The following EZH1 variants were observed in gnomAD, a reference collection of about 807,000 sequenced individuals.
The protein encoded by EZH1 is histone-lysine N-methyltransferase EZH1.
A neutral mutation model predicts 100.5 loss-of-function variants in EZH1; 33 were observed. That is an observed-to-expected ratio of 0.33 (90% CI 0.25 to 0.44). EZH1 has a LOEUF of 0.44. Among genes scored for constraint, EZH1 ranks in the 20% least tolerant of loss-of-function variants. The pLI is 1.00. For synonymous variants in EZH1, 272 were observed against 313.8 expected, an observed-to-expected ratio of 0.87 and a Z score of 1.41; for missense variants, 475 against 928.4, an observed-to-expected ratio of 0.51 and a Z score of 6.35.
At chr17:42,711,969 T>C (rs1415561503) in intron 12 of EZH1, among the ~76,000 whole-genome samples, 1 of 152,008 alleles carries the variant, frequency 6.6e-6, no homozygotes, top group African/African-American at 2.4e-5. Flanking sequence ...GAGTCCCTTC[T>C]GGGAAAGGGG....
At chr17:42,732,140 C>CA (rs545837299) in intron 1 of EZH1, among the ~76,000 whole-genome samples, 1,702 of 132,214 alleles carry the variant, frequency 0.013, 32 homozygotes, top group African/African-American at 0.039. Flanking sequence ...AAAACAAAAC[C>CA]AAAAAAAAAA....
At chr17:42,717,846 TG>T (rs2053635543) in intron 10 of EZH1, 129 bp downstream of exon 10, 3 of 738,068 alleles carry the variant, frequency 4.1e-6, no homozygotes, top group South Asian at 3.5e-5. Context: ...CCACAGTAAC[TG>T]GGGAGCTCCT....
chr17:42,718,073 A>G lies in EZH1; in HGVS notation c.932-6T>C. 4 of 1,613,470 alleles carry G rather than the reference A, an allele frequency of 2.5e-6. No individual in the cohort carries two copies. Among genetic ancestry groups the G allele is most frequent in the Non-Finnish European group, 2.5e-6 (3 of 1,179,410 alleles). On this transcript the variant is annotated splice_polypyrimidine_tract_variant and splice_region_variant and intron_variant, in intron 9 of 20. Transcript: ENST00000428826. The surrounding 1 kb of genome is among the most constrained non-coding windows in gnomAD (Gnocchi z 4.2). ...ATTAGGGGTGGCATGAAAAGCTGGAAAACAAAAACTGTCTTGTTGCCAGTG... is the reference window on the plus strand; with the variant it reads ...ATTAGGGGTGGCATGAAAAGCTGGAGAACAAAAACTGTCTTGTTGCCAGTG...
intron 11 of EZH1, 93 bp from the exon 12 acceptor site, chr17:42,712,578 T>A: frequency 8.1e-7 from 1 of 1,231,618 alleles, no homozygotes; most frequent in Non-Finnish European, 1.2e-6. Flanking sequence ...CATTCTACTT[T>A]AAAAGGTAGA....
At chr17:42,708,221 G>A in intron 14 of EZH1, 138 bp from the exon 15 acceptor site, 1 of 1,010,086 alleles carries the variant, frequency 9.9e-7, no homozygotes, top group South Asian at 1.7e-5. Context: ...CCTGAAGTGA[G>A]AAGACAGGGA....
At chr17:42,732,028 AG>A (rs2053960854) in intron 1 of EZH1, 1 of 152,014 alleles carries the variant, frequency 6.6e-6, no homozygotes, top group African/African-American at 2.4e-5. Flanking sequence ...CTGAGGTGAG[AG>A]GATCACTTAA....
intron 10 of EZH1, chr17:42,714,215 A>C (rs1017555774): frequency 1.3e-5 from 2 of 154,616 alleles, no homozygotes; most frequent in Non-Finnish European, 2.9e-5. Flanking sequence ...GTTTTCAAAG[A>C]CTTCCTAGCT....
chr17:42,744,982 G>A (rs1015071607), intron 1 of EZH1, 29 bp downstream of exon 1: 3 of 1,260,974 alleles, frequency 2.4e-6, no homozygotes, highest in Admixed American at 2.5e-5. Context: ...CGGCCCCACC[G>A]CCCGGCCCAG....
intron 12 of EZH1, among the ~76,000 whole-genome samples, chr17:42,710,980 C>G (rs1243054535): frequency 6.6e-6 from 1 of 152,034 alleles, no homozygotes; most frequent in Non-Finnish European, 1.5e-5. Context: ...CACAGAGTCT[C>G]CTCCAGAAGG....
chr17:42,716,047 C>CAA (rs35668797), intron 10 of EZH1, among the ~76,000 whole-genome samples: 4 of 70,710 alleles, frequency 5.7e-5, no homozygotes, highest in East Asian at 4.5e-4. Context: ...AACTCTGTCT[C>CAA]AAAAAAAAAA....
intron 6 of EZH1, among the ~76,000 whole-genome samples, chr17:42,720,814 C>T (rs2053691790): frequency 6.6e-6 from 1 of 152,112 alleles, no homozygotes; most frequent in Admixed American, 6.6e-5. Context: ...TGTGCCACCA[C>T]CCTGGCTAAT....
intron 17 of EZH1, 53 bp from the exon 18 acceptor site, chr17:42,704,736 A>T (rs563965699): frequency 2.1e-6 from 3 of 1,459,042 alleles, no homozygotes; most frequent in African/African-American, 1.4e-5. Context: ...TGCTCAGGGC[A>T]TGGTACCCTG....
At chr17:42,744,768 C>A (rs2054247929) in intron 1 of EZH1, among the ~76,000 whole-genome samples, 1 of 152,044 alleles carries the variant, frequency 6.6e-6, no homozygotes, top group Non-Finnish European at 1.5e-5. Context: ...GCTCCTCCTC[C>A]CGGGCACACA....
chr17:42,709,155 A>C (rs112110152), intron 13 of EZH1: 79 of 568,970 alleles, frequency 1.4e-4, no homozygotes, highest in African/African-American at 1.1e-3. Context: ...AATAACATAA[A>C]AGAACACAAC....
At chr17:42,743,028 C>T (rs1185856197) in intron 1 of EZH1, among the ~76,000 whole-genome samples, 1 of 152,044 alleles carries the variant, frequency 6.6e-6, no homozygotes, top group Non-Finnish European at 1.5e-5. Context: ...CACCACCACG[C>T]CCAGCTAATT....
Position 42,718,133 on chromosome 17 carries a change from G to A in EZH1, c.932-66C>T, listed in dbSNP as rs771124141. 8.2e-5 allele frequency: 111 copies of A among 1,351,600 alleles called. No homozygotes were observed. The highest frequency in any genetic ancestry group is 1.0e-4 in the Non-Finnish European group (95 of 949,142). The allele number at this position is 1,351,600 out of a possible 1,614,324, so 83.7% of individuals were successfully genotyped here. A position where few individuals can be genotyped will look rare whatever the true frequency, so the allele number is the denominator to read the frequency against. ...CTTGACAAGATGGGGAGAAACAAAA[G>A]TGAATTAGAGAGCTATTGTAGGAGT... On this transcript the variant is annotated intron_variant, in intron 9 of 20. Transcript: ENST00000428826. The surrounding 1 kb of genome is among the most constrained non-coding windows in gnomAD (Gnocchi z 4.2).
Position 42,705,056 on chromosome 17 carries a change from G to C in EZH1, c.1935+32C>G, listed in dbSNP as rs768532844. 3.2e-6 allele frequency: 5 copies of C among 1,554,390 alleles called. No homozygotes were observed. In the East Asian group the frequency reaches 9.0e-5, roughly 28 times the overall value. On this transcript the variant is annotated intron_variant, in intron 17 of 20. Transcript: ENST00000428826. ...AGAGTTTCTCATCAGTCTCCCCCGA[G>C]TAAGAATGTGGGCCAAAACTATAGC... is the stretch of plus-strand genomic sequence containing the variant.
chr17:42,707,389 G>A (rs2053379449), intron 15 of EZH1, among the ~76,000 whole-genome samples: 1 of 152,294 alleles, frequency 6.6e-6, no homozygotes, highest in African/African-American at 2.4e-5. Context: ...AGCCTCCCAA[G>A]TAGCTGGGAC....
At chr17:42,703,942 C>T (rs2053297404) in intron 18 of EZH1, 122 bp from the exon 19 acceptor site, 1 of 760,748 alleles carries the variant, frequency 1.3e-6, no homozygotes, top group East Asian at 2.5e-5. Context: ...ATGTTGAAGC[C>T]CAGTGTGCTA....
Sources: allele counts gnomAD v4.1 joint callset (sites outside exome capture counted in the v4.1 genomes callset), GRCh38; gene constraint gnomAD v4.1.1; non-coding constraint Gnocchi (gnomAD v3.1); transcripts MANE v1.5; gene names NCBI Gene and HGNC (gene_info 2026-07-23, HGNC 2026-07-21).